The following ZNF667 variants were observed in gnomAD, a reference collection of about 807,000 sequenced individuals.
The protein encoded by ZNF667 is myocardial ischemic preconditioning upregulated 1 ortholog.
Under a neutral mutation model 31.8 loss-of-function variants are expected in ZNF667, and 13 were observed. The ratio of observed to expected loss-of-function variants is 0.41; its 90% CI spans 0.27 to 0.65. ZNF667 has a LOEUF of 0.65. Among genes scored for constraint, ZNF667 ranks in the 30% least tolerant of loss-of-function variants. ZNF667 has a pLI of 0.32. For synonymous variants in ZNF667, 228 were observed against 247.1 expected, an observed-to-expected ratio of 0.92 and a Z score of 0.73; for missense variants, 642 against 725.6, an observed-to-expected ratio of 0.88 and a Z score of 1.32.
chr19:56,465,110 T>C (rs2043130767), intron 3 of ZNF667, among the ~76,000 whole-genome samples: 1 of 152,236 alleles, frequency 6.6e-6, no homozygotes, highest in Non-Finnish European at 1.5e-5. Context: ...CATCCCTAAA[T>C]GTTCCAGCAC....
intron 4 of ZNF667, among the ~76,000 whole-genome samples, chr19:56,461,650 C>G (rs1769190001): frequency 6.6e-6 from 1 of 152,186 alleles, no homozygotes; most frequent in Admixed American, 6.5e-5. Context: ...GCCAAGTTTG[C>G]AGCTAATCTG....
intron 6 of ZNF667, among the ~76,000 whole-genome samples, chr19:56,454,979 G>A (rs1311761733): frequency 6.6e-6 from 1 of 151,896 alleles, no homozygotes; most frequent in Non-Finnish European, 1.5e-5. Flanking sequence ...CAACTATATA[G>A]GAAAAAAATG....
intron 5 of ZNF667, among the ~76,000 whole-genome samples, chr19:56,459,403 C>T (rs1454382084): frequency 1.3e-5 from 2 of 152,062 alleles, no homozygotes; most frequent in Non-Finnish European, 2.9e-5. Flanking sequence ...TCAACATCCA[C>T]CAATAGGGGC....
chr19:56,461,143 C>G (rs2043036953), intron 4 of ZNF667, among the ~76,000 whole-genome samples: 1 of 152,148 alleles, frequency 6.6e-6, no homozygotes, highest in South Asian at 2.1e-4. Flanking sequence ...GAGGCACTGT[C>G]AGCGGAATCA....
At chr19:56,468,079 T>C (rs925715874) in intron 3 of ZNF667, 2 of 152,270 alleles carry the variant, frequency 1.3e-5, no homozygotes, top group Non-Finnish European at 2.9e-5. Context: ...ACCCAGGGGC[T>C]GCCAGCCACC....
Position 56,441,852 on chromosome 19 carries a change from A to T in ZNF667, c.1143T>A (p.Asn381Lys), listed in dbSNP as rs749099821. 2 of 1,614,146 alleles carry T rather than the reference A, an allele frequency of 1.2e-6. No individual in the cohort carries two copies. The highest frequency in any genetic ancestry group is 1.3e-5 in the African/African-American group (1 of 75,046). Residue 381 changes from asparagine (N) to lysine (K), a missense_variant, in exon 7 of 7, where the codon AAT becomes AAA. By Grantham distance (94) the Asn-to-Lys change is moderately conservative (BLOSUM62 0). Transcript: ENST00000504904. The surrounding 1 kb of genome is among the most constrained non-coding windows in gnomAD (Gnocchi z 4.2). ...TATTGCATCTGTATAGTTTTTCTCC[A>T]TTATGAATTCTTAGATGCAGAATAA... ...STLILHLRIH[N>K]GEKLYRCNKC... is the part of the protein sequence containing the mutation.
chr19:56,452,702 C>T (rs1393655494), intron 6 of ZNF667, among the ~76,000 whole-genome samples: 1 of 151,994 alleles, frequency 6.6e-6, no homozygotes, highest in Non-Finnish European at 1.5e-5. Context: ...GGCGGATCAC[C>T]TGAGGTCAGG....
At chr19:56,463,068 AG>A (rs2043083049) in intron 3 of ZNF667, among the ~76,000 whole-genome samples, 1 of 151,822 alleles carries the variant, frequency 6.6e-6, no homozygotes, top group African/African-American at 2.4e-5. Flanking sequence ...ACTGAGGCAG[AG>A]TGAGTGCAGC....
intron 6 of ZNF667, among the ~76,000 whole-genome samples, chr19:56,446,842 G>C (rs1204586035): frequency 6.6e-6 from 1 of 152,128 alleles, no homozygotes; most frequent in African/African-American, 2.4e-5. Flanking sequence ...AGTCACATCA[G>C]TTAAGCTGCT....
intron 3 of ZNF667, among the ~76,000 whole-genome samples, chr19:56,470,228 G>A (rs1387765755): frequency 6.6e-6 from 1 of 152,220 alleles, no homozygotes; most frequent in African/African-American, 2.4e-5. Flanking sequence ...GAGGTTACAA[G>A]TGCCAGGTGG....
At chr19:56,475,391 C>T (rs1275781424) in intron 1 of ZNF667, 1 of 152,418 alleles carries the variant, frequency 6.6e-6, no homozygotes, top group African/African-American at 2.4e-5. Flanking sequence ...CCCCGCCTTC[C>T]CCAGCTCCCT....
intron 6 of ZNF667, among the ~76,000 whole-genome samples, chr19:56,457,349 T>G (rs1259351548): frequency 6.6e-6 from 1 of 152,076 alleles, no homozygotes; most frequent in Non-Finnish European, 1.5e-5. Context: ...GGGGGACAGG[T>G]GGGCATAAGG....
Position 56,476,488 on chromosome 19 carries a change from T to C in ZNF667, c.-662+784A>G, listed in dbSNP as rs148070150. On this transcript the variant is annotated intron_variant, in intron 1 of 6. Coordinates refer to ENST00000504904, the MANE Select transcript of ZNF667 (RefSeq NM_001321356.2). Reference sequence around the variant, plus strand: ...CAAAGAAAAACGACCACCAGCACCATAACCAACACCTAAACACGGTGATTA... The same window carrying C: ...CAAAGAAAAACGACCACCAGCACCACAACCAACACCTAAACACGGTGATTA... Among the ~76,000 whole-genome samples the C allele has an allele frequency of 4.5e-3, 678 of 152,254 alleles. 4 individuals are homozygous for C. The highest frequency in any genetic ancestry group is 5.0e-3 in the Non-Finnish European group (341 of 68,020).
chr19:56,472,725 AAT>A (rs2043318527), intron 2 of ZNF667: 1 of 152,218 alleles, frequency 6.6e-6, no homozygotes, highest in Non-Finnish European at 1.5e-5. Flanking sequence ...TAACACACAA[AAT>A]ATGTGTTAAT....
intron 6 of ZNF667, among the ~76,000 whole-genome samples, chr19:56,452,186 T>C (rs1283771711): frequency 2.6e-5 from 4 of 151,862 alleles, no homozygotes; most frequent in African/African-American, 9.7e-5. Flanking sequence ...GTAGCTGGGA[T>C]TACAGCCATC....
rs970351490 is a variant in ZNF667 at position 56,441,055 on chromosome 19, C to T, written c.*107G>A. The T allele has an allele frequency of 2.7e-6, 4 of 1,475,694 alleles. No homozygotes were observed. Among genetic ancestry groups the T allele is most frequent in the Non-Finnish European group, 3.6e-6 (4 of 1,117,524 alleles). The allele number at this position is 1,475,694 out of a possible 1,614,324, so 91.4% of individuals were successfully genotyped here. A position where few individuals can be genotyped will look rare whatever the true frequency, so the allele number is the denominator to read the frequency against. Reference sequence around the variant, plus strand: ...TTGCTCTTTGGCTTTCAAAGTGGGACATATCATCAAATGGTCCCATATACA... The same window carrying T: ...TTGCTCTTTGGCTTTCAAAGTGGGATATATCATCAAATGGTCCCATATACA... On this transcript the variant is annotated 3_prime_UTR_variant, in exon 7 of 7. Coordinates refer to ENST00000504904, the MANE Select transcript of ZNF667 (RefSeq NM_001321356.2). The surrounding 1 kb of genome is among the most constrained non-coding windows in gnomAD (Gnocchi z 4.2).
intron 6 of ZNF667, among the ~76,000 whole-genome samples, chr19:56,443,678 A>T (rs561113435): frequency 6.6e-6 from 1 of 152,230 alleles, no homozygotes. Flanking sequence ...AAACATCATT[A>T]TGCAGCATAT....
At chr19:56,475,657 A>T (rs2043390264) in intron 1 of ZNF667, 1 of 152,258 alleles carries the variant, frequency 6.6e-6, no homozygotes, top group African/African-American at 2.4e-5. Context: ...CTGGCCCCAA[A>T]TGTCACAGTG....
In ZNF667 at chr19:56,465,067, A is replaced by G. The variant is rs573095635; in HGVS notation, c.-59-2638T>C. Among the ~76,000 whole-genome samples, 14 of 152,350 alleles carry G rather than the reference A, an allele frequency of 9.2e-5. No homozygotes were observed. The East Asian group carries it at 2.7e-3, about 29-fold the overall frequency. On this transcript the variant is annotated intron_variant, in intron 3 of 6. Coordinates refer to ENST00000504904, the MANE Select transcript of ZNF667 (RefSeq NM_001321356.2). ...ATTTTTCCTACCCTTTTTTATAAAA[A>G]GGCAGTTGTCTGAAAGTTGTAGAAT...
Sources: gnomAD v4.1 joint callset for allele counts (sites outside exome capture counted in the v4.1 genomes callset) on GRCh38, gnomAD v4.1.1 for gene constraint, Gnocchi (gnomAD v3.1) non-coding constraint, MANE v1.5 for transcripts, NCBI Gene and HGNC (gene_info 2026-07-23, HGNC 2026-07-21) for gene names.